The following DOCK8 variants were observed in gnomAD, a reference collection of about 807,000 sequenced individuals.
DOCK8 encodes dedicator of cytokinesis 8.
In DOCK8, 141 loss-of-function variants were observed where a neutral mutation model predicts 245.6. The ratio of observed to expected loss-of-function variants is 0.57; its 90% CI spans 0.50 to 0.66. The LOEUF (loss-of-function observed/expected upper bound fraction) is 0.66. DOCK8 is among the 30% of genes least tolerant of loss of function. The pLI is 0.00. For synonymous variants in DOCK8, 1,168 were observed against 970.2 expected (o/e 1.20, Z -3.79); for missense variants, 2,965 against 2,603.4 (o/e 1.14, Z -3.02).
upstream of DOCK8, among the ~76,000 whole-genome samples, chr9:212,014 CA>C (rs538057235): frequency 1.3e-5 from 2 of 152,066 alleles, no homozygotes; most frequent in Admixed American, 6.5e-5. Flanking sequence ...GGGAAATAGG[CA>C]AAACTTTAGG....
Position 384,902 on chromosome 9 carries a change from C to T in DOCK8, c.2779-1429C>T, listed in dbSNP as rs559151775. On this transcript the variant is annotated intron_variant, in intron 22 of 47. Coordinates refer to ENST00000432829, the MANE Select transcript of DOCK8 (RefSeq NM_203447.4). ...CCGCACTCCAGCCTGGGCAGCAGAG[C>T]GAGACTACGTCTAAAAAAATAAAAA... Among the ~76,000 whole-genome samples, 19 of 152,060 alleles carry T rather than the reference C, an allele frequency of 1.2e-4. No individual in the cohort carries two copies. The South Asian group carries it at 3.1e-3, about 25-fold the overall frequency.
intron 4 of DOCK8, among the ~76,000 whole-genome samples, chr9:295,460 A>G (rs1246901033): frequency 2.0e-5 from 3 of 152,328 alleles, no homozygotes; most frequent in East Asian, 1.9e-4. Flanking sequence ...TAATAATTCA[A>G]TAAGTATTAG....
At chr9:391,709 C>G (rs574869048) in intron 24 of DOCK8, among the ~76,000 whole-genome samples, 59 of 151,362 alleles carry the variant, frequency 3.9e-4, no homozygotes, top group African/African-American at 1.4e-3. Context: ...TAGACACCAA[C>G]TATATAAAAA....
chr9:334,385 G>A lies in DOCK8; in HGVS notation c.1285+1G>A. ...GTAACTGATGTGGACTCTGTGGTTG[G>A]TAAGATTTTCACCTGCAGTGGGAAA... On this transcript the variant is annotated splice_donor_variant, in intron 11 of 47. Transcript: ENST00000432829. LOFTEE classifies it high-confidence loss of function. 6.2e-7 allele frequency: 1 copy of A among 1,612,030 alleles called. No individual in the cohort carries two copies. The highest frequency in any genetic ancestry group is 8.5e-7 in the Non-Finnish European group (1 of 1,178,436).
At position 377,132 on chromosome 9, in the gene DOCK8, G is replaced by A. The variant is rs747506716; in HGVS notation, c.2361G>A (p.Pro787=). 19 of 1,608,874 alleles carry A rather than the reference G, an allele frequency of 1.2e-5. No individual in the cohort carries two copies. In the African/African-American group the frequency reaches 1.5e-4, roughly 12 times the overall value. ...GCCTGAACTCCTCCCGCCTGGAGCC[G>A]CTCGTGCTCTTCCTGCACCTGGTGC... ...IICLNSSRLE[P]LVLFLHLVLD... The change falls in exon 20 of 48, where the codon CCG becomes CCA. Residue 787 remains proline, a synonymous_variant. Transcript: ENST00000432829.
At chr9:440,887 C>T (rs2057074822) in intron 40 of DOCK8, among the ~76,000 whole-genome samples, 1 of 152,146 alleles carries the variant, frequency 6.6e-6, no homozygotes, top group African/African-American at 2.4e-5. Context: ...GAGCATGCTA[C>T]CACACCTGGC....
At position 340,494 on chromosome 9, in the gene DOCK8, G is replaced by C. The variant is rs141875360; in HGVS notation, c.1679+173G>C. 3.3e-3 allele frequency: 2,520 copies of C among 770,378 alleles called. 49 individuals are homozygous for C. The African/African-American group carries it at 0.035, about 11-fold the overall frequency. 47.7% of individuals were successfully genotyped at this position (770,378 alleles called of 1,614,324 possible). A position where few individuals can be genotyped will look rare whatever the true frequency, so the allele number is the denominator to read the frequency against. ...AATTTAGCTGGGCATGGTGGTGCAT[G>C]CTTGTAATCCCAGCAACTTGGCAGG... On this transcript the variant is annotated intron_variant, in intron 14 of 47. Transcript: ENST00000432829.
intron 46 of DOCK8, chr9:454,229 A>C (rs1439881164): frequency 6.6e-6 from 1 of 152,220 alleles, no homozygotes; most frequent in Non-Finnish European, 1.5e-5. Context: ...CCAAGGTATC[A>C]CTTTCAGCTG....
At chr9:408,354 G>A (rs1305181005) in intron 28 of DOCK8, among the ~76,000 whole-genome samples, 1 of 152,178 alleles carries the variant, frequency 6.6e-6, no homozygotes, top group Admixed American at 6.5e-5. Context: ...ATAGTGTGGG[G>A]AATCTCATGC....
Position 332,582 on chromosome 9 carries a change from C to T in DOCK8, c.1125+104C>T. On this transcript the variant is annotated intron_variant, in intron 10 of 47. Coordinates refer to ENST00000432829, the MANE Select transcript of DOCK8 (RefSeq NM_203447.4). ...ATGGGCTTTAGTCCCTAATGTGTCC[C>T]TATATAAGACACTACTACATTTTAA... is the stretch of plus-strand genomic sequence containing the variant. The T allele has an allele frequency of 4.2e-6, 3 of 722,278 alleles. No homozygotes were observed. The South Asian group carries it at 4.8e-5, about 12-fold the overall frequency. 44.7% of individuals were successfully genotyped at this position (722,278 alleles called of 1,614,324 possible).
Position 463,601 on chromosome 9 carries a change from C to T in DOCK8, c.6153C>T (p.Asn2051=), listed in dbSNP as rs775860744. ...EYQQELKKNY[N]KLKENLRPMI... is the part of the protein sequence containing the mutation. ...AGCAGGAACTCAAAAAGAACTATAA[C>T]AAGCTAAAAGAGAACCTCAGGCCAA... Residue 2051 remains asparagine (N), a synonymous_variant, in exon 47 of 48, where the codon AAC becomes AAT. Coordinates refer to ENST00000432829, the MANE Select transcript of DOCK8 (RefSeq NM_203447.4). The T allele has an allele frequency of 6.8e-6, 11 of 1,614,096 alleles. No individual in the cohort carries two copies. The highest frequency in any genetic ancestry group is 7.6e-6 in the Non-Finnish European group (9 of 1,180,044).
chr9:396,514 A>G (rs1428473684), intron 24 of DOCK8, among the ~76,000 whole-genome samples: 1 of 152,182 alleles, frequency 6.6e-6, no homozygotes, highest in African/African-American at 2.4e-5. Flanking sequence ...ACTGTAGCTA[A>G]AGAATTAAGC....
chr9:398,638 C>G (rs1188616487), intron 25 of DOCK8, among the ~76,000 whole-genome samples: 1 of 152,148 alleles, frequency 6.6e-6, no homozygotes, highest in African/African-American at 2.4e-5. Flanking sequence ...GAGTATGACT[C>G]TGACCTCTCT....
chr9:424,693 A>T (rs762917381), intron 33 of DOCK8, among the ~76,000 whole-genome samples: 3 of 152,238 alleles, frequency 2.0e-5, no homozygotes, highest in Non-Finnish European at 1.5e-5. Flanking sequence ...TACAGGCATG[A>T]GCCACTGCGC....
chr9:317,991 T>A (rs910093967), intron 7 of DOCK8, among the ~76,000 whole-genome samples: 7 of 151,784 alleles, frequency 4.6e-5, no homozygotes, highest in Non-Finnish European at 8.8e-5. Flanking sequence ...AAAAAAATCC[T>A]CTATAGACAT....
chr9:292,077 A>AAAG (rs1337581604), intron 4 of DOCK8, among the ~76,000 whole-genome samples: 1 of 148,062 alleles, frequency 6.8e-6, no homozygotes, highest in Non-Finnish European at 1.5e-5. Flanking sequence ...CTCAAAAAAA[A>AAAG]AAAAAAAAAA....
chr9:213,534 C>G (rs941798086), upstream of DOCK8: 5 of 152,118 alleles, frequency 3.3e-5, no homozygotes, highest in Admixed American at 1.3e-4. Flanking sequence ...ATTTAACATG[C>G]AATCAACATG....
intron 46 of DOCK8, chr9:454,655 G>C (rs996840793): frequency 1.3e-5 from 2 of 152,156 alleles, no homozygotes; most frequent in Non-Finnish European, 2.9e-5. Flanking sequence ...AGTAAATGAG[G>C]CTCTGAATAC....
chr9:334,205 T>A lies in DOCK8; in HGVS notation c.1126-20T>A. On this transcript the variant is annotated intron_variant, in intron 10 of 47. Coordinates refer to ENST00000432829, the MANE Select transcript of DOCK8 (RefSeq NM_203447.4). The stretch of plus-strand genomic sequence containing the variant: ...GGTGCTGATGCTTGTTTCAGCTTGT[T>A]TCTTTCCATTTTCCTCCAGAGTAAA... 1 of 1,614,134 alleles carries A rather than the reference T, an allele frequency of 6.2e-7. No individual in the cohort carries two copies. The highest frequency in any genetic ancestry group is 1.3e-5 in the African/African-American group (1 of 75,052).
Sources: gnomAD v4.1 joint callset for allele counts (sites outside exome capture counted in the v4.1 genomes callset) on GRCh38, gnomAD v4.1.1 for gene constraint, MANE v1.5 for transcripts, NCBI Gene and HGNC (gene_info 2026-07-23, HGNC 2026-07-21) for gene names.